MTERF3: variants seen among roughly 807,000 people sequenced by gnomAD.
MTERF3 encodes mitochondrial transcription termination factor 3.
A neutral mutation model predicts 40.5 loss-of-function variants in MTERF3; 40 were observed. That is an observed-to-expected ratio of 0.99 (90% CI 0.77 to 1.29). The LOEUF (loss-of-function observed/expected upper bound fraction) is 1.29, where lower values mean the gene tolerates loss of function less well. MTERF3 is among the 50% of genes most tolerant of loss of function. MTERF3 has a pLI of 0.00. For synonymous variants in MTERF3, 158 were observed against 166.6 expected (o/e 0.95, Z 0.40); for missense variants, 452 against 478.2 (o/e 0.95, Z 0.51).
At chr8:96,245,442 G>A (rs16894382) in intron 6 of MTERF3, among the ~76,000 whole-genome samples, 1,785 of 152,298 alleles carry the variant, frequency 0.012, 37 homozygotes, top group African/African-American at 0.038. Flanking sequence ...TTTCACAGAA[G>A]TCTTTTGGAT....
chr8:96,252,418 C>T (rs1450744766), intron 3 of MTERF3, among the ~76,000 whole-genome samples: 1 of 152,054 alleles, frequency 6.6e-6, no homozygotes, highest in Non-Finnish European at 1.5e-5. Context: ...TCTAAACATA[C>T]ATTAACTCTA....
intron 3 of MTERF3, among the ~76,000 whole-genome samples, chr8:96,255,146 GA>G (rs1437036861): frequency 6.6e-6 from 1 of 152,212 alleles, no homozygotes; most frequent in Non-Finnish European, 1.5e-5. Context: ...ACACTGGAAA[GA>G]TATCAGAGCC....
rs1809877736 is a variant in MTERF3, at chr8:96,239,438, T to TCATATATATATATA, written c.*52_*53insTATATATATATATG. The stretch of plus-strand genomic sequence containing the variant: ...CCGAGGCATTTAAAAATATATTCAT[T>TCATATATATATATA]TATTCATATATATATTCACTTTACA... On this transcript the variant is annotated 3_prime_UTR_variant, in exon 8 of 8. Coordinates refer to ENST00000287025, the MANE Select transcript of MTERF3 (RefSeq NM_015942.5). The TCATATATATATATA allele has an allele frequency of 7.8e-7, 1 of 1,287,138 alleles. No homozygotes were observed. The allele number at this position is 1,287,138 out of a possible 1,614,324, so 79.7% of individuals were successfully genotyped here. A position where few individuals can be genotyped will look rare whatever the true frequency, so the allele number is the denominator to read the frequency against.
At chr8:96,245,425 C>T (rs1810003166) in intron 6 of MTERF3, among the ~76,000 whole-genome samples, 1 of 152,172 alleles carries the variant, frequency 6.6e-6, no homozygotes, top group Non-Finnish European at 1.5e-5. Flanking sequence ...GTGCTGGCTG[C>T]TACTCTTTTC....
chr8:96,244,127 T>G (rs1478550322), intron 6 of MTERF3, 47 bp from the exon 7 acceptor site: 2 of 1,534,606 alleles, frequency 1.3e-6, no homozygotes, highest in Non-Finnish European at 8.9e-7. Flanking sequence ...GAAATAGTTA[T>G]TTTGGTACCA....
rs767626221 is a variant in MTERF3 at position 96,258,510 on chromosome 8, A to G, written c.181T>C (p.Tyr61His). Reference sequence around the variant, plus strand: ...CTATTCCATAAGGAGGAAGTCCTGTAAGTCTTAAATCCCCACTGGAGAAAG... The same window carrying G: ...CTATTCCATAAGGAGGAAGTCCTGTGAGTCTTAAATCCCCACTGGAGAAAG... ...NCFLQWGFKT[Y>H]RTSSLWNSSQ... Residue 61 changes from tyrosine (Y) to histidine (H), a missense_variant, in exon 2 of 8, where the codon TAC becomes CAC. By Grantham distance (83) the Tyr-to-His change is moderately conservative (BLOSUM62 2). Coordinates refer to ENST00000287025, the MANE Select transcript of MTERF3 (RefSeq NM_015942.5). 2.5e-5 allele frequency: 41 copies of G among 1,614,066 alleles called. No individual in the cohort carries two copies. Among genetic ancestry groups the G allele is most frequent in the Non-Finnish European group, 3.4e-5 (40 of 1,180,018 alleles).
chr8:96,248,963 T>C (rs1810072481), intron 4 of MTERF3, among the ~76,000 whole-genome samples: 1 of 152,210 alleles, frequency 6.6e-6, no homozygotes, highest in Admixed American at 6.5e-5. Context: ...GCATTACCTA[T>C]TAAAAAATTC....
intron 6 of MTERF3, among the ~76,000 whole-genome samples, chr8:96,244,658 C>T (rs1356330266): frequency 1.3e-5 from 2 of 152,170 alleles, no homozygotes; most frequent in Non-Finnish European, 2.9e-5. Context: ...ACCTCGGCCT[C>T]CCATGCCAGG....
At chr8:96,244,813 G>A (rs371592555) in intron 6 of MTERF3, among the ~76,000 whole-genome samples, 30 of 152,266 alleles carry the variant, frequency 2.0e-4, no homozygotes, top group African/African-American at 7.2e-4. Flanking sequence ...CCCCTCTGCT[G>A]AGAAAGAGCT....
intron 2 of MTERF3, 162 bp from the exon 3 acceptor site, chr8:96,257,276 G>T: frequency 1.6e-6 from 1 of 631,028 alleles, no homozygotes; most frequent in Non-Finnish European, 2.5e-6. Flanking sequence ...AAGAGGTAAG[G>T]TTACAACTAT....
chr8:96,256,877 G>A (rs958509624), intron 3 of MTERF3, 85 bp downstream of exon 3: 5 of 1,287,206 alleles, frequency 3.9e-6, no homozygotes, highest in Non-Finnish European at 5.3e-6. Context: ...ATACTACTTA[G>A]TATAGATTAA....
intron 3 of MTERF3, among the ~76,000 whole-genome samples, chr8:96,254,630 T>C (rs1375796503): frequency 1.3e-5 from 2 of 152,258 alleles, no homozygotes; most frequent in African/African-American, 4.8e-5. Context: ...TACCACATTT[T>C]CTTTAGCCAT....
At chr8:96,254,612 T>C (rs962917294) in intron 3 of MTERF3, among the ~76,000 whole-genome samples, 1 of 152,254 alleles carries the variant, frequency 6.6e-6, no homozygotes, top group African/African-American at 2.4e-5. Flanking sequence ...TACTCCAGTG[T>C]ATAAATATAC....
intron 6 of MTERF3, among the ~76,000 whole-genome samples, chr8:96,245,600 C>T (rs1235126128): frequency 2.6e-5 from 4 of 152,160 alleles, no homozygotes; most frequent in Admixed American, 1.3e-4. Flanking sequence ...CACTTATATC[C>T]CTATCTAATG....
At chr8:96,244,138 T>C (rs1809979701) in intron 6 of MTERF3, 58 bp from the exon 7 acceptor site, 2 of 1,421,998 alleles carry the variant, frequency 1.4e-6, no homozygotes, top group Non-Finnish European at 1.9e-6. Context: ...TTTGGTACCA[T>C]GGCAAGGCTG....
intron 4 of MTERF3, among the ~76,000 whole-genome samples, chr8:96,249,455 C>T (rs899834357): frequency 6.6e-6 from 1 of 152,218 alleles, no homozygotes; most frequent in Non-Finnish European, 1.5e-5. Context: ...ATCATTCTCT[C>T]TCCCTTCTGT....
chr8:96,249,849 T>G (rs1206714237), intron 4 of MTERF3, among the ~76,000 whole-genome samples: 1 of 152,180 alleles, frequency 6.6e-6, no homozygotes, highest in Non-Finnish European at 1.5e-5. Flanking sequence ...CTTTCATGAT[T>G]TATTAGATGT....
In MTERF3 at chr8:96,251,056, G is replaced by A; in HGVS notation, c.527C>T (p.Ala176Val). 1 of 1,592,254 alleles carries A rather than the reference G, an allele frequency of 6.3e-7. No individual in the cohort carries two copies. Among genetic ancestry groups the A allele is most frequent in the Non-Finnish European group, 8.5e-7 (1 of 1,174,758 alleles). ...LSKIEKHPEA[A>V]NLLLRLDFEK... ...AAAATCCAGTCTCAGAAGGAGGTTTGCTGCTTCTGGATGTTTTTCTATCTT... is the reference window on the plus strand; with the variant it reads ...AAAATCCAGTCTCAGAAGGAGGTTTACTGCTTCTGGATGTTTTTCTATCTT... The change falls in exon 4 of 8, where the codon GCA becomes GTA. Residue 176 changes from alanine (A) to valine (V), a missense_variant. Coordinates refer to ENST00000287025, the MANE Select transcript of MTERF3 (RefSeq NM_015942.5).
At position 96,239,704 on chromosome 8, in the gene MTERF3, T is replaced by A; in HGVS notation, c.1060-19A>T. The A allele has an allele frequency of 6.4e-7, 1 of 1,555,358 alleles. No individual in the cohort carries two copies. The highest frequency in any genetic ancestry group is 8.6e-7 in the Non-Finnish European group (1 of 1,156,798). On this transcript the variant is annotated intron_variant, in intron 7 of 7. Transcript: ENST00000287025. ...TAAATACCTAGAAAAGAAAAAAAAG[T>A]TTTTAAAAAACACTGCACACGGGAG...
Sources: allele counts gnomAD v4.1 joint callset (sites outside exome capture counted in the v4.1 genomes callset), GRCh38; gene constraint gnomAD v4.1.1; transcripts MANE v1.5; gene names NCBI Gene and HGNC (gene_info 2026-07-23, HGNC 2026-07-21).